Variants in IL18R1 observed in about 807,000 individuals in gnomAD.
The protein encoded by IL18R1 is interleukin-18 receptor 1.
Under a neutral mutation model 48.5 loss-of-function variants are expected in IL18R1, and 40 were observed. That is an observed-to-expected ratio of 0.82 (90% confidence interval 0.64 to 1.07). The LOEUF is 1.07. Among genes scored for constraint, IL18R1 ranks in the 50% least tolerant of loss-of-function variants. The pLI, the probability that IL18R1 is intolerant of heterozygous loss-of-function variation, is 0.00. For missense variants in IL18R1, 596 were observed against 633.7 expected (o/e 0.94, Z 0.64); for synonymous variants, 232 against 225.9 (o/e 1.03, Z -0.24).
At chr2:102,369,814 C>T (rs1679145939) in intron 3 of IL18R1, among the ~76,000 whole-genome samples, 1 of 152,124 alleles carries the variant, frequency 6.6e-6, no homozygotes, top group Non-Finnish European at 1.5e-5. Context: ...TAATCAAATG[C>T]CACTGAGGAC....
intron 5 of IL18R1, 130 bp downstream of exon 5, chr2:102,376,193 A>G (rs1015237002): frequency 1.8e-5 from 11 of 594,672 alleles, no homozygotes; most frequent in Non-Finnish European, 2.7e-5. Context: ...TAGTTCAAAT[A>G]TGATGGTCAA....
In IL18R1 at chr2:102,398,169, C is replaced by T. The variant is rs1406173888; in HGVS notation, c.*1283C>T. 1 of 152,282 alleles carries T rather than the reference C, an allele frequency of 6.6e-6. No homozygotes were observed. Among genetic ancestry groups the T allele is most frequent in the Admixed American group, 6.5e-5 (1 of 15,270 alleles). 9.4% of individuals were successfully genotyped at this position (152,282 alleles called of 1,614,324 possible). On this transcript the variant is annotated 3_prime_UTR_variant, in exon 11 of 11. Transcript: ENST00000233957. Reference sequence around the variant, plus strand: ...GAGAAGCATACTGGAGAAGCATATCCAGAGGGCGAAAGATATCTCTCCATT... The same window carrying T: ...GAGAAGCATACTGGAGAAGCATATCTAGAGGGCGAAAGATATCTCTCCATT...
chr2:102,362,594 T>G, intron 1 of IL18R1, 39 bp from the exon 2 acceptor site: 1 of 1,419,244 alleles, frequency 7.0e-7, no homozygotes, highest in Non-Finnish European at 9.7e-7. Flanking sequence ...CACTTTTGTT[T>G]GAAAGCTTTG....
In IL18R1 at chr2:102,398,408, G is replaced by A. The variant is rs1680928276; in HGVS notation, c.*1522G>A. 6.6e-6 allele frequency: 1 copy of A among 152,394 alleles called. No individual in the cohort carries two copies. Among genetic ancestry groups the A allele is most frequent in the African/African-American group, 2.4e-5 (1 of 41,464 alleles). 9.4% of individuals were successfully genotyped at this position (152,394 alleles called of 1,614,324 possible). On this transcript the variant is annotated 3_prime_UTR_variant, in exon 11 of 11. Transcript: ENST00000233957. ...AAAGCAGAGATTGTTTCAAATGGGTGTAGTAGATATTACTGAAAACCAAAA... is the reference window on the plus strand; with the variant it reads ...AAAGCAGAGATTGTTTCAAATGGGTATAGTAGATATTACTGAAAACCAAAA...
In IL18R1 at chr2:102,356,261, T is replaced by A; in HGVS notation, c.-168T>A. 2.9e-6 allele frequency: 2 copies of A among 687,018 alleles called. No individual in the cohort carries two copies. The highest frequency in any genetic ancestry group is 3.6e-6 in the Non-Finnish European group (2 of 559,574). 42.6% of individuals were successfully genotyped at this position (687,018 alleles called of 1,614,324 possible). A position where few individuals can be genotyped will look rare whatever the true frequency, so the allele number is the denominator to read the frequency against. On this transcript the variant is annotated 5_prime_UTR_variant, in exon 1 of 11. Transcript: ENST00000233957. Reference sequence around the variant, plus strand: ...GGTGCCTTATCTCTTTAATCACACCTCTCTTTCACTTTCCACGGTAGTCAG... The same window carrying A: ...GGTGCCTTATCTCTTTAATCACACCACTCTTTCACTTTCCACGGTAGTCAG...
chr2:102,382,466 T>C lies in IL18R1; in HGVS notation c.688+784T>C, dbSNP rs1419062995. On this transcript the variant is annotated intron_variant, in intron 6 of 10. Coordinates refer to ENST00000233957, the MANE Select transcript of IL18R1 (RefSeq NM_003855.5). ...TCAACATGTCCAATTGAGTAATTTC[T>C]TTCAAAAGAGAAAGGAAAGAAAGAA... Among the ~76,000 whole-genome samples, 4 of 152,244 alleles carry C rather than the reference T, an allele frequency of 2.6e-5. No individual in the cohort carries two copies. The South Asian group carries it at 6.2e-4, about 24-fold the overall frequency.
rs1339910123 is a variant in IL18R1, at chr2:102,363,207, T to C, written c.58+489T>C. Among the ~76,000 whole-genome samples, 4 of 152,068 alleles carry C rather than the reference T, an allele frequency of 2.6e-5. No homozygotes were observed. In the East Asian group the frequency reaches 7.7e-4, roughly 29 times the overall value. On this transcript the variant is annotated intron_variant, in intron 2 of 10. Coordinates refer to ENST00000233957, the MANE Select transcript of IL18R1 (RefSeq NM_003855.5). ...GCAGTGATTGCCTAGAGTTTTTTTT[T>C]TTTATTTGAGAAGGATTCTGAGACT...
intron 9 of IL18R1, among the ~76,000 whole-genome samples, chr2:102,392,171 G>C (rs1680592708): frequency 1.3e-5 from 2 of 152,128 alleles, no homozygotes; most frequent in Admixed American, 6.5e-5. Flanking sequence ...TATAGGTTTA[G>C]TTTTCACATT....
intron 1 of IL18R1, among the ~76,000 whole-genome samples, chr2:102,360,015 G>A (rs1678481202): frequency 6.6e-6 from 1 of 152,198 alleles, no homozygotes; most frequent in Non-Finnish European, 1.5e-5. Flanking sequence ...TTAGCTGGTT[G>A]AAGGTAGAAT....
At chr2:102,382,266 T>C (rs557769891) in intron 6 of IL18R1, among the ~76,000 whole-genome samples, 76 of 151,990 alleles carry the variant, frequency 5.0e-4, no homozygotes, top group Non-Finnish European at 9.1e-4. Flanking sequence ...AGCAAGACTC[T>C]ATCTCAAAAA....
At chr2:102,362,559 T>G in intron 1 of IL18R1, 74 bp from the exon 2 acceptor site, 1 of 951,530 alleles carries the variant, frequency 1.1e-6, no homozygotes, top group South Asian at 2.1e-5. Flanking sequence ...TGCCAGAAGA[T>G]TTTTAAACCT....
intron 2 of IL18R1, 32 bp downstream of exon 2, chr2:102,362,750 T>C (rs753657083): frequency 2.2e-5 from 29 of 1,346,986 alleles, no homozygotes; most frequent in Non-Finnish European, 2.7e-5. Flanking sequence ...CAAACATATT[T>C]CATGAGTAAT....
chr2:102,361,957 C>G (rs1373074170), intron 1 of IL18R1, among the ~76,000 whole-genome samples: 1 of 152,172 alleles, frequency 6.6e-6, no homozygotes, highest in Non-Finnish European at 1.5e-5. Flanking sequence ...CTTCATCTCT[C>G]CATTTCCCTA....
At chr2:102,358,596 A>G (rs1678392478) in intron 1 of IL18R1, among the ~76,000 whole-genome samples, 1 of 152,206 alleles carries the variant, frequency 6.6e-6, no homozygotes, top group Non-Finnish European at 1.5e-5. Flanking sequence ...TCCTGAGAAT[A>G]CAAATAAGTG....
intron 3 of IL18R1, among the ~76,000 whole-genome samples, 166 bp downstream of exon 3, chr2:102,368,234 A>T (rs1377991041): frequency 1.3e-5 from 2 of 152,196 alleles, no homozygotes; most frequent in Admixed American, 6.5e-5. Flanking sequence ...GAATAAGTTT[A>T]TCTCTCTCTG....
intron 9 of IL18R1, 76 bp downstream of exon 9, chr2:102,390,293 C>A: frequency 7.7e-7 from 1 of 1,301,412 alleles, no homozygotes; most frequent in Non-Finnish European, 1.1e-6. Context: ...TAATCTTCAT[C>A]TTATTGTGAT....
At chr2:102,369,193 C>G (rs1017946623) in intron 3 of IL18R1, among the ~76,000 whole-genome samples, 4 of 152,146 alleles carry the variant, frequency 2.6e-5, no homozygotes, top group East Asian at 3.8e-4. Flanking sequence ...ACCGCCCCCC[C>G]CACCACAAAC....
chr2:102,371,063 G>T (rs1177801945), intron 3 of IL18R1, among the ~76,000 whole-genome samples: 2 of 149,300 alleles, frequency 1.3e-5, no homozygotes, highest in African/African-American at 2.5e-5. Flanking sequence ...TGTTGTTGTT[G>T]TTGTTTTTTT....
At chr2:102,359,263 A>G (rs907388122) in intron 1 of IL18R1, among the ~76,000 whole-genome samples, 4 of 152,222 alleles carry the variant, frequency 2.6e-5, no homozygotes, top group Non-Finnish European at 5.9e-5. Context: ...TTGGTGGATG[A>G]AAAAAGTTAA....
Sources: gnomAD v4.1 joint callset for allele counts (sites outside exome capture counted in the v4.1 genomes callset) on GRCh38, gnomAD v4.1.1 for gene constraint, MANE v1.5 for transcripts, NCBI Gene and HGNC (gene_info 2026-07-23, HGNC 2026-07-21) for gene names.